Variants in APC observed in about 807,000 individuals in gnomAD.
APC encodes the protein APC regulator of Wnt signaling pathway, also known as adenomatous polyposis coli protein.
APC carries 72 observed loss-of-function variants against 247.0 expected under a neutral mutation model. The observed-to-expected ratio is 0.29, with a 90% CI of 0.24 to 0.35. APC has a LOEUF of 0.35. Ranked by LOEUF, APC falls within the 10% of genes least tolerant of loss-of-function variation. APC has a pLI of 1.00. For missense variants in APC, 3,400 were observed against 3,360.7 expected (o/e 1.01, Z -0.29); for synonymous variants, 1,254 against 1,162.5 (o/e 1.08, Z -1.60).
intron 14 of APC, among the ~76,000 whole-genome samples, chr5:112,834,073 T>C (rs1764599219): frequency 6.6e-6 from 1 of 151,784 alleles, no homozygotes; most frequent in Admixed American, 6.6e-5. Flanking sequence ...CAAGCAGCTG[T>C]GACTGCAGGC....
chr5:112,720,089 A>G (rs1189875607), intron 1 of APC, among the ~76,000 whole-genome samples: 2 of 152,190 alleles, frequency 1.3e-5, no homozygotes, highest in Non-Finnish European at 2.9e-5. Flanking sequence ...AGTCTACATA[A>G]ATTGGTGTTC....
intron 6 of APC, among the ~76,000 whole-genome samples, chr5:112,786,886 CTTTTTTTTTTTTT>C (rs1171592849): frequency 8.5e-6 from 1 of 118,126 alleles, no homozygotes; most frequent in Non-Finnish European, 1.7e-5. Flanking sequence ...TTTTCTTTTT[CTTTTTTTTTTTTT>C]TTTTTTGAGT....
At chr5:112,761,860 G>T (rs977396683) in intron 2 of APC, among the ~76,000 whole-genome samples, 1 of 152,114 alleles carries the variant, frequency 6.6e-6, no homozygotes, top group African/African-American at 2.4e-5. Context: ...ACACACAAAA[G>T]ACTAAACATA....
chr5:112,775,847 A>G, intron 5 of APC, 110 bp downstream of exon 5: 1 of 640,704 alleles, frequency 1.6e-6, no homozygotes, highest in Non-Finnish European at 2.7e-6. Flanking sequence ...TTATTTGTAA[A>G]TTGCAATATG....
In APC at chr5:112,730,322, G is replaced by A. The variant is rs531537207; in HGVS notation, c.165+22440G>A. Among the ~76,000 whole-genome samples, 6 of 152,280 alleles carry A rather than the reference G, an allele frequency of 3.9e-5. No individual in the cohort carries two copies. The South Asian group carries it at 1.2e-3, about 32-fold the overall frequency. On this transcript the variant is annotated intron_variant, in intron 1 of 13. Transcript: ENST00000507379. ...ACAAGTAACTTTTTATGAGGGATGA[G>A]GCTTGAAAAAGTACAAGCTGCTCTG...
At chr5:112,787,423 A>G (rs779911217) in intron 6 of APC, among the ~76,000 whole-genome samples, 14 of 151,342 alleles carry the variant, frequency 9.3e-5, no homozygotes, top group Non-Finnish European at 1.9e-4. Context: ...TTACATTCCT[A>G]ATAGTAGTAT....
intron 2 of APC, among the ~76,000 whole-genome samples, chr5:112,758,347 C>T (rs1354885330): frequency 4.6e-5 from 7 of 151,592 alleles, no homozygotes; most frequent in Admixed American, 2.0e-4. Flanking sequence ...TGTTTTGAGA[C>T]GAAGTCTCAC....
intron 2 of APC, among the ~76,000 whole-genome samples, chr5:112,757,512 T>C (rs912167610): frequency 6.6e-6 from 1 of 152,134 alleles, no homozygotes. Context: ...GCAGAAAGAT[T>C]GTTTGAGCTC....
Position 112,841,590 on chromosome 5 carries a change from C to G in APC, c.5996C>G (p.Pro1999Arg), listed in dbSNP as rs1554087137. Residue 1999 changes from proline to arginine, a missense_variant, in exon 16 of 16, where the codon CCA (proline) becomes CGA (arginine). Pro to Arg is a moderately radical substitution (Grantham distance 103, BLOSUM62 -2). Transcript: ENST00000257430. This position sits in a 1 kb window ranked among gnomAD's most constrained non-coding sequence, Gnocchi z 4.6. Reference protein sequence around the residue: ...ETEPPDSQGEPSKPQASGYAP... With the variant: ...ETEPPDSQGERSKPQASGYAP... Reference sequence around the variant, plus strand: ...GAGCCCCCTGACTCACAGGGAGAACCAAGTAAACCTCAAGCATCAGGCTAT... The same window carrying G: ...GAGCCCCCTGACTCACAGGGAGAACGAAGTAAACCTCAAGCATCAGGCTAT... The G allele has an allele frequency of 6.2e-7, 1 of 1,613,622 alleles. No individual in the cohort carries two copies. The highest frequency in any genetic ancestry group is 1.1e-5 in the South Asian group (1 of 91,058).
intron 1 of APC, among the ~76,000 whole-genome samples, chr5:112,722,783 G>T (rs1257595188): frequency 1.3e-5 from 2 of 152,144 alleles, no homozygotes; most frequent in Admixed American, 6.5e-5. Flanking sequence ...GAGCTTCCAT[G>T]CCTTCTCTGG....
chr5:112,806,367 T>A (rs1761382144), intron 8 of APC, among the ~76,000 whole-genome samples: 1 of 152,162 alleles, frequency 6.6e-6, no homozygotes, highest in Non-Finnish European at 1.5e-5. Flanking sequence ...CCCTGATAAA[T>A]AGTAGATAAC....
chr5:112,829,013 G>C lies in APC; in HGVS notation c.1743+41G>C, dbSNP rs781312064. The C allele has an allele frequency of 2.7e-6, 4 of 1,457,654 alleles. No homozygotes were observed. In the East Asian group the frequency reaches 9.1e-5, roughly 33 times the overall value. The allele number at this position is 1,457,654 out of a possible 1,614,324, so 90.3% of individuals were successfully genotyped here. A position where few individuals can be genotyped will look rare whatever the true frequency, so the allele number is the denominator to read the frequency against. ...TTTAGTACTATAATATGAATTTCAT[G>C]TTTGGCTTTTTTTTGCTGCCTTCTT... On this transcript the variant is annotated intron_variant, in intron 14 of 15. Transcript: ENST00000257430.
In APC at chr5:112,845,685, A is replaced by C. The variant is rs1017485456; in HGVS notation, c.*1559A>C. 4.3e-6 allele frequency: 1 copy of C among 231,956 alleles called. No homozygotes were observed. Among genetic ancestry groups the C allele is most frequent in the Non-Finnish European group, 8.5e-6 (1 of 117,326 alleles). 14.4% of individuals were successfully genotyped at this position (231,956 alleles called of 1,614,324 possible). On this transcript the variant is annotated 3_prime_UTR_variant, in exon 16 of 16. Transcript: ENST00000257430. ...TGGGGTACATGTTAAGTGTCCCCTT[A>C]TACAGTGGAGGGAAGTCTTCCTTCC...
At chr5:112,741,541 A>G (rs560276325) in intron 1 of APC, among the ~76,000 whole-genome samples, 58 of 152,292 alleles carry the variant, frequency 3.8e-4, no homozygotes, top group South Asian at 8.3e-4. Context: ...TAATATGCAT[A>G]AATTCTTGAG....
intron 7 of APC, among the ~76,000 whole-genome samples, chr5:112,798,695 G>A (rs1192795558): frequency 3.9e-5 from 6 of 152,186 alleles, no homozygotes; most frequent in African/African-American, 9.6e-5. Context: ...TCAGTGTATC[G>A]AAGCGTGCAG....
At chr5:112,816,148 A>G (rs1328446254) in intron 9 of APC, among the ~76,000 whole-genome samples, 1 of 152,182 alleles carries the variant, frequency 6.6e-6, no homozygotes, top group Non-Finnish European at 1.5e-5. Context: ...GGGGACCACC[A>G]TAAATGTCTG....
At chr5:112,736,152 G>C (rs1156528902), upstream of APC, among the ~76,000 whole-genome samples, 1 of 152,190 alleles carries the variant, frequency 6.6e-6, no homozygotes, top group East Asian at 1.9e-4. Context: ...AGTGAATCAT[G>C]TGCTTTCAGT....
At chr5:112,823,546 G>T (rs1298394987) in intron 11 of APC, among the ~76,000 whole-genome samples, 2 of 152,196 alleles carry the variant, frequency 1.3e-5, no homozygotes. Context: ...AAGGAGAAAA[G>T]AAATCCCAAA....
At chr5:112,748,295 T>A (rs1186351513) in intron 1 of APC, among the ~76,000 whole-genome samples, 2 of 151,992 alleles carry the variant, frequency 1.3e-5, no homozygotes, top group Non-Finnish European at 2.9e-5. Context: ...GAAAGAGAAA[T>A]AGAAAAGGGT....
Sources: allele counts gnomAD v4.1 joint callset (sites outside exome capture counted in the v4.1 genomes callset), GRCh38; gene constraint gnomAD v4.1.1; non-coding constraint Gnocchi (gnomAD v3.1); transcripts MANE v1.5; gene names NCBI Gene and HGNC (gene_info 2026-07-23, HGNC 2026-07-21).